The following CSMD1 variants were observed in gnomAD, a reference collection of about 807,000 sequenced individuals.
CSMD1 encodes the protein CUB and Sushi multiple domains 1.
CSMD1 carries 213 observed loss-of-function variants against 417.5 expected under a neutral mutation model. The observed-to-expected ratio is 0.51, with a 90% CI of 0.46 to 0.57. The LOEUF (loss-of-function observed/expected upper bound fraction) is 0.57. CSMD1 is among the 20% of genes least tolerant of loss of function. The probability of loss-of-function intolerance (pLI) is 0.00; values close to 1 mark genes in which losing one functional copy is unlikely to be tolerated. For missense variants in CSMD1, 6,923 were observed against 4,529.7 expected, an observed-to-expected ratio of 1.53 and a Z score of -15.17; for synonymous variants, 2,862 against 1,736.8, an observed-to-expected ratio of 1.65 and a Z score of -16.11.
At chr8:4,187,328 G>C (rs1426583597) in intron 3 of CSMD1, among the ~76,000 whole-genome samples, 3 of 152,118 alleles carry the variant, frequency 2.0e-5, no homozygotes, top group African/African-American at 4.8e-5. Context: ...GGATGCAATG[G>C]TTTTAACTGA....
At chr8:4,258,830 G>C (rs993262784) in intron 3 of CSMD1, among the ~76,000 whole-genome samples, 2 of 152,072 alleles carry the variant, frequency 1.3e-5, no homozygotes, top group African/African-American at 4.8e-5. Flanking sequence ...GAAAGATCAG[G>C]AGCCCCACTC....
At chr8:3,262,093 A>G (rs1801108637) in intron 26 of CSMD1, among the ~76,000 whole-genome samples, 1 of 151,290 alleles carries the variant, frequency 6.6e-6, no homozygotes, top group East Asian at 2.0e-4. Flanking sequence ...CAATTAAAAA[A>G]GTAAAGGTTA....
chr8:3,519,775 A>G (rs1362639426), intron 10 of CSMD1, among the ~76,000 whole-genome samples: 1 of 152,050 alleles, frequency 6.6e-6, no homozygotes, highest in Non-Finnish European at 1.5e-5. Context: ...TGTATGGAAC[A>G]CTTGCATCAT....
intron 3 of CSMD1, among the ~76,000 whole-genome samples, chr8:4,041,071 C>T (rs113112725): frequency 7.6e-6 from 1 of 131,276 alleles, no homozygotes; most frequent in African/African-American, 3.0e-5. Flanking sequence ...GGCTGGAGTG[C>T]AGTGGCGCGA....
At chr8:4,063,042 G>A (rs1176494807) in intron 3 of CSMD1, among the ~76,000 whole-genome samples, 1 of 152,102 alleles carries the variant, frequency 6.6e-6, no homozygotes, top group African/African-American at 2.4e-5. Context: ...AAGAAACGTT[G>A]GCTAATAGGG....
intron 1 of CSMD1, among the ~76,000 whole-genome samples, chr8:4,762,230 C>G (rs1437005002): frequency 6.6e-6 from 1 of 151,990 alleles, no homozygotes; most frequent in Admixed American, 6.6e-5. Context: ...ATGGTACCTG[C>G]TTGCGCTATT....
At chr8:3,845,639 T>C (rs1242554186) in intron 5 of CSMD1, among the ~76,000 whole-genome samples, 2 of 152,152 alleles carry the variant, frequency 1.3e-5, no homozygotes, top group African/African-American at 2.4e-5. Context: ...GCACACTAAA[T>C]TCATTTAAAC....
intron 3 of CSMD1, among the ~76,000 whole-genome samples, chr8:4,073,768 G>T (rs1013161556): frequency 2.0e-5 from 3 of 152,028 alleles, no homozygotes; most frequent in Admixed American, 6.6e-5. Context: ...ACTTGAAAAT[G>T]AACCCAAATA....
intron 3 of CSMD1, among the ~76,000 whole-genome samples, chr8:4,315,686 A>T (rs193061550): frequency 6.6e-6 from 1 of 152,334 alleles, no homozygotes. Flanking sequence ...ATGATTATAA[A>T]ATAGCCATTG....
chr8:2,938,286 C>T lies in CSMD1; in HGVS notation c.*299G>A, dbSNP rs1801632151. ...AACACAGAAATATGAAAGTCTGAGG[C>T]ATTGAGTATGACGTGTTGGCGCGAC... On this transcript the variant is annotated 3_prime_UTR_variant, in exon 70 of 70. Coordinates refer to ENST00000635120, the MANE Select transcript of CSMD1 (RefSeq NM_033225.6). 3.3e-6 allele frequency: 1 copy of T among 304,870 alleles called. No individual in the cohort carries two copies. The highest frequency in any genetic ancestry group is 4.9e-5 in the Admixed American group (1 of 20,360). The allele number at this position is 304,870 out of a possible 1,614,324, so 18.9% of individuals were successfully genotyped here. A position where few individuals can be genotyped will look rare whatever the true frequency, so the allele number is the denominator to read the frequency against.
intron 12 of CSMD1, among the ~76,000 whole-genome samples, chr8:3,435,797 A>G (rs542318464): frequency 1.3e-5 from 2 of 152,246 alleles, no homozygotes; most frequent in Non-Finnish European, 2.9e-5. Flanking sequence ...CAAAACTTCC[A>G]TGGCTTCTGA....
At chr8:4,814,702 C>G (rs547858159) in intron 1 of CSMD1, among the ~76,000 whole-genome samples, 1 of 152,248 alleles carries the variant, frequency 6.6e-6, no homozygotes, top group South Asian at 2.1e-4. Context: ...CCAGCTCATG[C>G]AGGTGTACCC....
chr8:3,133,658 G>C (rs940511983), intron 41 of CSMD1, among the ~76,000 whole-genome samples: 1 of 152,172 alleles, frequency 6.6e-6, no homozygotes, highest in Non-Finnish European at 1.5e-5. Context: ...AAGGGGAGGG[G>C]TGAGTGTGAT....
In CSMD1 at chr8:2,963,337, G is replaced by A; in HGVS notation, c.9339C>T (p.Phe3113=). ...TGTAACTTATGCTGGAGCCCCAGCGGAAATCACTTCCCTCCACTGTTCCAT... is the reference window on the plus strand; with the variant it reads ...TGTAACTTATGCTGGAGCCCCAGCGAAAATCACTTCCCTCCACTGTTCCAT... ...VQNGTVEGSD[F]RWGSSISYSC... The change falls in exon 60 of 70, where the codon TTC becomes TTT. Residue 3113 remains phenylalanine (F), a synonymous_variant. Coordinates refer to ENST00000635120, the MANE Select transcript of CSMD1 (RefSeq NM_033225.6). 2.5e-6 allele frequency: 4 copies of A among 1,613,968 alleles called. No homozygotes were observed. The highest frequency in any genetic ancestry group is 1.3e-5 in the African/African-American group (1 of 75,046).
intron 1 of CSMD1, among the ~76,000 whole-genome samples, chr8:4,641,683 C>G (rs377524099): frequency 6.6e-6 from 1 of 152,134 alleles, no homozygotes; most frequent in Admixed American, 6.6e-5. Context: ...AGCAGGCAAC[C>G]CAGTGCATTA....
At chr8:4,498,659 G>C (rs62479716) in intron 2 of CSMD1, among the ~76,000 whole-genome samples, 3 of 152,150 alleles carry the variant, frequency 2.0e-5, no homozygotes, top group South Asian at 2.1e-4. Context: ...TATCTGCAAA[G>C]AGGGAGCTCA....
At chr8:4,948,392 T>C (rs1808508513) in intron 1 of CSMD1, among the ~76,000 whole-genome samples, 2 of 152,044 alleles carry the variant, frequency 1.3e-5, no homozygotes. Context: ...TCTGTACTAG[T>C]TACTTGCCAG....
chr8:4,171,182 T>C lies in CSMD1; in HGVS notation c.416-139083A>G, dbSNP rs184725869. ...CTGTTAGTTTCCTCTGGATCAAATA[T>C]CCATCACCATCACAGACCTGTGTGA... On this transcript the variant is annotated intron_variant, in intron 3 of 69. Transcript: ENST00000635120. 4.6e-4 allele frequency among the ~76,000 whole-genome samples: 70 copies of C among 151,916 alleles called. 3 individuals are homozygous for C. The highest frequency in any genetic ancestry group is 1.7e-3 in the African/African-American group (69 of 41,222).
At position 4,283,077 on chromosome 8, in the gene CSMD1, T is replaced by A. The variant is rs185987693; in HGVS notation, c.415+136876A>T. Among the ~76,000 whole-genome samples, 1,395 of 152,304 alleles carry A rather than the reference T, an allele frequency of 9.2e-3. 11 individuals carry two copies. Among genetic ancestry groups the A allele is most frequent in the Non-Finnish European group, 0.016 (1,102 of 68,014 alleles). On this transcript the variant is annotated intron_variant, in intron 3 of 69. Coordinates refer to ENST00000635120, the MANE Select transcript of CSMD1 (RefSeq NM_033225.6). ...AGTTAGAAACAGACTGTTTTTAAGG[T>A]CAACATCCTGTTTTTTAGCAGACTT...
Sources: gnomAD v4.1 joint callset for allele counts (sites outside exome capture counted in the v4.1 genomes callset) on GRCh38, gnomAD v4.1.1 for gene constraint, MANE v1.5 for transcripts, NCBI Gene and HGNC (gene_info 2026-07-23, HGNC 2026-07-21) for gene names.